CFAP299: variants seen among roughly 807,000 people sequenced by gnomAD.
CFAP299 encodes the protein cilia and flagella associated protein 299.
In CFAP299, 21 loss-of-function variants were observed where a neutral mutation model predicts 27.0. The ratio of observed to expected loss-of-function variants is 0.78; its 90% CI spans 0.55 to 1.12. The LOEUF (loss-of-function observed/expected upper bound fraction) is 1.12. CFAP299 is among the 50% of genes most tolerant of loss of function. The pLI, the probability that CFAP299 is intolerant of heterozygous loss-of-function variation, is 0.00. For missense variants in CFAP299, 310 were observed against 276.6 expected (o/e 1.12, Z -0.86); for synonymous variants, 104 against 98.1 (o/e 1.06, Z -0.36).
chr4:80,418,364 T>C (rs1335534342), intron 2 of CFAP299, among the ~76,000 whole-genome samples: 1 of 152,218 alleles, frequency 6.6e-6, no homozygotes, highest in African/African-American at 2.4e-5. Context: ...AAAAGTGTTA[T>C]ACATTGACAA....
intron 3 of CFAP299, among the ~76,000 whole-genome samples, chr4:80,858,444 C>T (rs1234095912): frequency 6.6e-6 from 1 of 152,094 alleles, no homozygotes; most frequent in Non-Finnish European, 1.5e-5. Flanking sequence ...TTCTTGCCTT[C>T]TGTTAGCTTT....
intron 2 of CFAP299, among the ~76,000 whole-genome samples, chr4:80,368,727 A>G (rs1723974195): frequency 6.6e-6 from 1 of 152,200 alleles, no homozygotes; most frequent in Non-Finnish European, 1.5e-5. Context: ...ATATCATTTT[A>G]TGATAAAAAC....
intron 3 of CFAP299, among the ~76,000 whole-genome samples, chr4:80,598,341 A>T (rs896032681): frequency 1.3e-5 from 2 of 152,202 alleles, no homozygotes; most frequent in Non-Finnish European, 2.9e-5. Flanking sequence ...TTAGAAATGT[A>T]CCTACAATTG....
intron 5 of CFAP299, among the ~76,000 whole-genome samples, chr4:80,945,357 C>G (rs1737421204): frequency 6.6e-6 from 1 of 152,152 alleles, no homozygotes; most frequent in Non-Finnish European, 1.5e-5. Flanking sequence ...GTGTATGTGA[C>G]TAACACTAAA....
chr4:80,649,802 A>G (rs932302027), intron 3 of CFAP299, among the ~76,000 whole-genome samples: 1 of 152,112 alleles, frequency 6.6e-6, no homozygotes, highest in Non-Finnish European at 1.5e-5. Flanking sequence ...CTAAAATTGG[A>G]CTTTAAATAT....
At chr4:80,382,255 T>C (rs945431138) in intron 2 of CFAP299, among the ~76,000 whole-genome samples, 8 of 152,172 alleles carry the variant, frequency 5.3e-5, no homozygotes, top group African/African-American at 1.7e-4. Context: ...TGGGCAAATA[T>C]TTCATGATGA....
At chr4:80,666,838 G>A (rs989114892) in intron 3 of CFAP299, among the ~76,000 whole-genome samples, 1 of 152,158 alleles carries the variant, frequency 6.6e-6, no homozygotes, top group African/African-American at 2.4e-5. Flanking sequence ...GGAGCTGTAT[G>A]ACTTTTTGTG....
chr4:80,645,443 T>C (rs1739958549), intron 3 of CFAP299, among the ~76,000 whole-genome samples: 1 of 152,134 alleles, frequency 6.6e-6, no homozygotes, highest in South Asian at 2.1e-4. Context: ...CTGTTAATAC[T>C]CTACAATAAA....
chr4:80,880,759 AAATTAAATT>A (rs1560460529), intron 4 of CFAP299, among the ~76,000 whole-genome samples: 182 of 151,862 alleles, frequency 1.2e-3, no homozygotes, highest in African/African-American at 4.1e-3. Flanking sequence ...AAATAAAATT[AAATTAAATT>A]AAAATTTTAA....
intron 4 of CFAP299, among the ~76,000 whole-genome samples, chr4:80,915,287 A>T (rs1304085277): frequency 6.6e-5 from 10 of 151,894 alleles, no homozygotes; most frequent in African/African-American, 1.9e-4. Context: ...GGTTTTTTTT[A>T]AAACATTTTA....
At chr4:80,598,817 C>G (rs1737184764) in intron 3 of CFAP299, among the ~76,000 whole-genome samples, 2 of 152,310 alleles carry the variant, frequency 1.3e-5, no homozygotes, top group Middle Eastern at 3.4e-3. Flanking sequence ...ACTGTTTCCT[C>G]AGATTTTCAA....
chr4:80,841,632 G>C (rs1016652139), intron 3 of CFAP299, among the ~76,000 whole-genome samples: 3 of 152,072 alleles, frequency 2.0e-5, no homozygotes, highest in African/African-American at 7.2e-5. Flanking sequence ...AGGATCCCCA[G>C]ATAACTAAAA....
intron 3 of CFAP299, among the ~76,000 whole-genome samples, chr4:80,760,569 C>G (rs1725492993): frequency 6.6e-6 from 1 of 152,164 alleles, no homozygotes; most frequent in Admixed American, 6.5e-5. Context: ...TACAAAACTA[C>G]CACACTGCTA....
At chr4:80,545,204 T>A (rs1375358243) in intron 2 of CFAP299, among the ~76,000 whole-genome samples, 1 of 152,116 alleles carries the variant, frequency 6.6e-6, no homozygotes, top group African/African-American at 2.4e-5. Context: ...TAATGCAGTG[T>A]TAAGAGGAAA....
chr4:80,553,237 A>C (rs1446128286), intron 2 of CFAP299, among the ~76,000 whole-genome samples: 1 of 152,170 alleles, frequency 6.6e-6, no homozygotes, highest in Non-Finnish European at 1.5e-5. Context: ...AAATGAGAAC[A>C]TGCAGTATTT....
chr4:80,387,699 T>G, intron 2 of CFAP299: 1 of 1,578,074 alleles, frequency 6.3e-7, no homozygotes, highest in East Asian at 2.2e-5. Context: ...CATGGCCACA[T>G]GCAATGCATT....
At chr4:80,468,692 G>A (rs1035171444) in intron 2 of CFAP299, among the ~76,000 whole-genome samples, 7 of 151,538 alleles carry the variant, frequency 4.6e-5, no homozygotes, top group East Asian at 3.9e-4. Context: ...AAAATTAGCC[G>A]GGCATGCTGG....
chr4:80,903,586 T>G (rs1348423465), intron 4 of CFAP299, among the ~76,000 whole-genome samples: 1 of 152,038 alleles, frequency 6.6e-6, no homozygotes, highest in East Asian at 1.9e-4. Flanking sequence ...CCTACTAGTA[T>G]TCCTTTATTT....
At chr4:80,607,437 A>C (rs922928205) in intron 3 of CFAP299, among the ~76,000 whole-genome samples, 1 of 152,046 alleles carries the variant, frequency 6.6e-6, no homozygotes, top group South Asian at 2.1e-4. Context: ...AAGAGACATC[A>C]GTGAGACAGA....
Sources: gnomAD v4.1 joint callset for allele counts (sites outside exome capture counted in the v4.1 genomes callset) on GRCh38, gnomAD v4.1.1 for gene constraint, MANE v1.5 for transcripts, NCBI Gene and HGNC (gene_info 2026-07-23, HGNC 2026-07-21) for gene names.